MUC6: variants seen among roughly 807,000 people sequenced by gnomAD.
MUC6 encodes the protein mucin-6.
A neutral mutation model predicts 201.5 loss-of-function variants in MUC6; 188 were observed. That is an observed-to-expected ratio of 0.93 (90% CI 0.83 to 1.05). MUC6 has a LOEUF of 1.05. Ranked by LOEUF, MUC6 falls within the 50% of genes least tolerant of loss-of-function variation. The probability of loss-of-function intolerance (pLI) is 0.00; values close to 1 mark genes in which losing one functional copy is unlikely to be tolerated. For synonymous variants in MUC6, 1,228 were observed against 1,389.4 expected (o/e 0.88, Z 2.58); for missense variants, 2,706 against 3,256.9 (o/e 0.83, Z 4.12).
intron 2 of MUC6, among the ~76,000 whole-genome samples, chr11:1,032,532 GTC>G (rs970815453): frequency 1.8e-4 from 27 of 151,952 alleles, no homozygotes; most frequent in East Asian, 7.7e-4. Context: ...TTGGGTGCGT[GTC>G]TCAGGTGTGT....
Position 1,023,496 on chromosome 11 carries a change from G to T in MUC6, c.3526+13C>A. On this transcript the variant is annotated intron_variant, in intron 26 of 32. Coordinates refer to ENST00000421673, the MANE Select transcript of MUC6 (RefSeq NM_005961.3). ...CCCCTGTGTATCTGCGTTGCCTCCC[G>T]GTCACCTGGCACCTTCGATGTTGCT... The T allele has an allele frequency of 3.2e-6, 5 of 1,563,968 alleles. No individual in the cohort carries two copies. Among genetic ancestry groups the T allele is most frequent in the Non-Finnish European group, 4.3e-6 (5 of 1,153,836 alleles).
intron 12 of MUC6, 28 bp downstream of exon 12, chr11:1,028,861 G>A (rs1398427472): frequency 3.7e-6 from 6 of 1,610,952 alleles, no homozygotes; most frequent in Admixed American, 3.3e-5. Context: ...CACAACTCTG[G>A]GGGGCCACAG....
chr11:1,014,353 G>A (rs1856552809), intron 31 of MUC6, among the ~76,000 whole-genome samples: 1 of 152,232 alleles, frequency 6.6e-6, no homozygotes, highest in Admixed American at 6.5e-5. Context: ...GTGGGCATGG[G>A]CCTCTCTGGT....
At chr11:1,020,884 C>A in intron 27 of MUC6, 150 bp from the exon 28 acceptor site, 2 of 1,065,290 alleles carry the variant, frequency 1.9e-6, no homozygotes, top group South Asian at 2.9e-5. Flanking sequence ...TCCCCTCTCT[C>A]CCTTTCTCCT....
chr11:1,015,283 C>T (rs1856577197), intron 31 of MUC6, among the ~76,000 whole-genome samples: 1 of 152,230 alleles, frequency 6.6e-6, no homozygotes, highest in Non-Finnish European at 1.5e-5. Context: ...TTGCCAGGTC[C>T]AGCTCCACCT....
chr11:1,027,230 G>A (rs1856982236), intron 17 of MUC6, 37 bp from the exon 18 acceptor site: 1 of 1,611,962 alleles, frequency 6.2e-7, no homozygotes, highest in East Asian at 2.2e-5. Context: ...CCGGGACCTG[G>A]CAGGGACCCC....
At chr11:1,015,457 C>T (rs900044096) in intron 31 of MUC6, among the ~76,000 whole-genome samples, 12 of 152,142 alleles carry the variant, frequency 7.9e-5, no homozygotes, top group Admixed American at 6.5e-4. Context: ...AGGTAACACT[C>T]TGAGGGGAGG....
At chr11:1,024,245 C>T in intron 24 of MUC6, 142 bp from the exon 25 acceptor site, 1 of 1,035,232 alleles carries the variant, frequency 9.7e-7, no homozygotes, top group Non-Finnish European at 1.4e-6. Flanking sequence ...ACCACGTGGA[C>T]CTCAGCCCTG....
At chr11:1,029,718 A>T in intron 8 of MUC6, 103 bp from the exon 9 acceptor site, 4 of 1,412,308 alleles carry the variant, frequency 2.8e-6, no homozygotes, top group Non-Finnish European at 3.7e-6. Context: ...CTCCAGGGAG[A>T]CGCCCCCTCC....
chr11:1,024,349 C>T lies in MUC6; in HGVS notation c.3226-246G>A, dbSNP rs114067829. On this transcript the variant is annotated intron_variant, in intron 24 of 32. Transcript: ENST00000421673. ...GCCATCGGGACCAAGATGCCGCTGCCGCTAACCACGGCCACTGCAGTCCCA... is the reference window on the plus strand; with the variant it reads ...GCCATCGGGACCAAGATGCCGCTGCTGCTAACCACGGCCACTGCAGTCCCA... Among the ~76,000 whole-genome samples, 308 of 152,366 alleles carry T rather than the reference C, an allele frequency of 2.0e-3. 1 individual carries two copies. Among genetic ancestry groups the T allele is most frequent in the African/African-American group, 7.0e-3 (292 of 41,590 alleles).
At chr11:1,021,858 CCT>C (rs1263096083) in intron 26 of MUC6, among the ~76,000 whole-genome samples, 1 of 152,070 alleles carries the variant, frequency 6.6e-6, no homozygotes, top group Non-Finnish European at 1.5e-5. Flanking sequence ...ACACATCTGT[CCT>C]CTGTGTGTCC....
chr11:1,026,305 CT>C (rs1856958177), intron 20 of MUC6, 21 bp downstream of exon 20: 1 of 1,559,536 alleles, frequency 6.4e-7, no homozygotes, highest in Non-Finnish European at 8.7e-7. Flanking sequence ...CCCAGGGCGT[CT>C]GAAGCGAGGC....
In MUC6 at chr11:1,015,937, G is replaced by A. The variant is rs773010942; in HGVS notation, c.6864C>T (p.Leu2288=). Residue 2288 remains leucine, a synonymous_variant, in exon 31 of 33, where the codon CTC becomes CTT. Coordinates refer to ENST00000421673, the MANE Select transcript of MUC6 (RefSeq NM_005961.3). ...TRVPTSGFVS[L]TSGVTGIPTS... is the part of the protein sequence containing the mutation. ...TGGGGATACCCGTCACCCCCGAGGT[G>A]AGTGACACAAAGCCTGATGTGGGAA... The A allele has an allele frequency of 5.0e-6, 8 of 1,597,570 alleles. No individual in the cohort carries two copies. In the South Asian group the frequency reaches 6.8e-5, roughly 14 times the overall value.
Position 1,018,707 on chromosome 11 carries a change from G to C in MUC6, c.4094C>G (p.Thr1365Ser), listed in dbSNP as rs762452123. Residue 1365 changes from threonine to serine, a missense_variant, in exon 31 of 33, where the codon ACC becomes AGC. Thr to Ser is a moderately conservative substitution (Grantham distance 58, BLOSUM62 1). Around this residue, in one of 10 missense-constraint regions of MUC6, gnomAD observed 1,850 missense variants for 1,958.3 expected, o/e 0.94. Coordinates refer to ENST00000421673, the MANE Select transcript of MUC6 (RefSeq NM_005961.3). ...TATQTTGPRP[T>S]PASTTGPTTP... The stretch of plus-strand genomic sequence containing the variant: ...GGTTGGGCCTGTGGTGCTTGCTGGG[G>C]TTGGACGTGGGCCTGTCGTCTGGGT... The C allele has an allele frequency of 6.2e-7, 1 of 1,604,974 alleles. No individual in the cohort carries two copies.
In MUC6 at chr11:1,026,443, G is replaced by C. The variant is rs746755711; in HGVS notation, c.2430C>G (p.Ala810=). 6.2e-7 allele frequency: 1 copy of C among 1,606,534 alleles called. No individual in the cohort carries two copies. Among genetic ancestry groups the C allele is most frequent in the Non-Finnish European group, 8.5e-7 (1 of 1,177,404 alleles). Residue 810 remains alanine (A), a synonymous_variant, in exon 20 of 33, where the codon GCC becomes GCG. Transcript: ENST00000421673. ...PTKCEPGCVC[A]EGLYENADGQ... Reference sequence around the variant, plus strand: ...CGTCGGCATTCTCGTAGAGGCCCTCGGCGCAGACACAGCCAGGCTCACACT... The same window carrying C: ...CGTCGGCATTCTCGTAGAGGCCCTCCGCGCAGACACAGCCAGGCTCACACT...
rs747051345 is a variant in MUC6, at chr11:1,027,998, G to T, written c.1815C>A (p.Cys605Ter). ...LLRTGTVFER[C>*]HATVNPAPFY... ...AGGGTGCAGGGTTCACTGTGGCGTG[G>T]CACCTCTCGAACACCGTGCCTGTCC... Residue 605 changes from cysteine to a stop codon, truncating the protein, a stop_gained, in exon 15 of 33, where the codon TGC (cysteine) becomes TGA (stop). Coordinates refer to ENST00000421673, the MANE Select transcript of MUC6 (RefSeq NM_005961.3). LOFTEE classifies it high-confidence loss of function. The T allele has an allele frequency of 2.5e-6, 4 of 1,585,590 alleles. No individual in the cohort carries two copies. The South Asian group carries it at 4.6e-5, about 18-fold the overall frequency.
Position 1,021,232 on chromosome 11 carries a change from C to G in MUC6, c.3572G>C (p.Gly1191Ala). 1.9e-6 allele frequency: 3 copies of G among 1,591,408 alleles called. No individual in the cohort carries two copies. Among genetic ancestry groups the G allele is most frequent in the Non-Finnish European group, 2.6e-6 (3 of 1,169,778 alleles). The change falls in exon 27 of 33, where the codon GGG becomes GCG. Residue 1191 changes from glycine (G) to alanine (A), a missense_variant. Physicochemically the swap from Gly to Ala is moderately conservative, Grantham distance 60. Around this residue, in one of 10 missense-constraint regions of MUC6, gnomAD observed 1,850 missense variants for 1,958.3 expected, o/e 0.94. Transcript: ENST00000421673. ...SQDEYFDHEE[G>A]VCVPCMPPTT... ...GGACTTACTGCAGGGCACGCACACC[C>G]CCTCCTCGTGGTCGAAGTACTCATC...
At position 1,016,115 on chromosome 11, in the gene MUC6, G is replaced by C. The variant is rs1856602059; in HGVS notation, c.6686C>G (p.Ser2229Cys). ...TGGGGTGGGAGACACGGTAACAGTG[G>C]ATATGGGGAGTAGAGCAGAGAGGGT... is the stretch of plus-strand genomic sequence containing the variant. ...PFTLSALLPI[S>C]TVTVSPTPSS... Residue 2229 changes from serine to cysteine, a missense_variant, in exon 31 of 33, where the codon TCC becomes TGC. Ser to Cys is a moderately radical substitution (Grantham distance 112). This residue lies in a region of MUC6 where 586 missense variants were observed against 488.0 expected (regional missense o/e 1.20). Transcript: ENST00000421673. 2 of 1,613,546 alleles carry C rather than the reference G, an allele frequency of 1.2e-6. No homozygotes were observed. The highest frequency in any genetic ancestry group is 1.3e-5 in the African/African-American group (1 of 74,870).
chr11:1,027,501 A>G lies in MUC6; in HGVS notation c.1998T>C (p.Gly666=). 1 of 1,612,044 alleles carries G rather than the reference A, an allele frequency of 6.2e-7. No individual in the cohort carries two copies. The highest frequency in any genetic ancestry group is 8.5e-7 in the Non-Finnish European group (1 of 1,179,688). Residue 666 remains glycine (G), a synonymous_variant, in exon 17 of 33, where the codon GGT becomes GGC. Coordinates refer to ENST00000421673, the MANE Select transcript of MUC6 (RefSeq NM_005961.3). ...GGCTGTTGTAGCTGAAGGTGGTGTT[A>G]CCCGTGCAGGGGATGGCTGTGGGGG... ...SVDNCTIPCT[G]NTTFSYNSQA... is the part of the protein sequence containing the mutation.
Sources: gnomAD v4.1 joint callset for allele counts (sites outside exome capture counted in the v4.1 genomes callset) on GRCh38, gnomAD v4.1.1 for gene constraint, gnomAD v4.1.1 regional missense constraint, MANE v1.5 for transcripts, NCBI Gene and HGNC (gene_info 2026-07-23, HGNC 2026-07-21) for gene names.